The following TUSC3 variants were observed in gnomAD, a reference collection of about 807,000 sequenced individuals.
TUSC3 encodes tumor suppressor candidate 3.
Under a neutral mutation model 44.8 loss-of-function variants are expected in TUSC3, and 45 were observed. The observed-to-expected ratio is 1.00, with a 90% CI of 0.79 to 1.29. TUSC3 has a LOEUF of 1.29. Among genes scored for constraint, TUSC3 ranks in the 50% most tolerant of loss-of-function variants. The pLI, the probability that TUSC3 is intolerant of heterozygous loss-of-function variation, is 0.00. For missense variants in TUSC3, 519 were observed against 437.9 expected (o/e 1.19, Z -1.65); for synonymous variants, 212 against 152.9 (o/e 1.39, Z -2.85).
chr8:15,780,723 A>C, the TUSC3 span, among the ~76,000 whole-genome samples: 1 of 152,014 alleles, frequency 6.6e-6, no homozygotes, highest in African/African-American at 2.4e-5. Context: ...CTTCAGGTCT[A>C]CTGTTTCCTC....
chr8:15,634,415 T>G (rs1212282604), intron 2 of TUSC3, among the ~76,000 whole-genome samples: 1 of 152,182 alleles, frequency 6.6e-6, no homozygotes, highest in African/African-American at 2.4e-5. Context: ...CCATCCCTTG[T>G]TCTCTCCTAA....
intron 2 of TUSC3, among the ~76,000 whole-genome samples, chr8:15,505,138 C>T (rs1457639213): frequency 6.6e-6 from 1 of 152,166 alleles, no homozygotes; most frequent in Non-Finnish European, 1.5e-5. Flanking sequence ...AATAAATCAT[C>T]TGTCATCCAT....
chr8:15,677,616 C>T (rs540702548), intron 6 of TUSC3, among the ~76,000 whole-genome samples: 2 of 152,306 alleles, frequency 1.3e-5, no homozygotes, highest in African/African-American at 2.4e-5. Flanking sequence ...ATAATAAATA[C>T]AGGGCTGAGA....
intron 1 of TUSC3, among the ~76,000 whole-genome samples, chr8:15,418,779 G>T (rs1277359815): frequency 6.6e-6 from 1 of 152,192 alleles, no homozygotes; most frequent in East Asian, 1.9e-4. Context: ...GCCAAGGCAG[G>T]AGGATTGCTT....
the TUSC3 span, among the ~76,000 whole-genome samples, chr8:15,845,841 G>T: frequency 5.3e-5 from 8 of 152,100 alleles, no homozygotes; most frequent in Non-Finnish European, 7.4e-5. Context: ...TTACAAAACT[G>T]CTGTACTGGT....
intron 3 of TUSC3, among the ~76,000 whole-genome samples, chr8:15,655,966 C>T (rs1315872145): frequency 3.3e-5 from 5 of 152,034 alleles, no homozygotes; most frequent in African/African-American, 1.2e-4. Flanking sequence ...AAAAGATTAC[C>T]TAGGAATCCC....
At chr8:15,477,455 G>T (rs950766930) in intron 1 of TUSC3, among the ~76,000 whole-genome samples, 8 of 152,122 alleles carry the variant, frequency 5.3e-5, no homozygotes, top group Non-Finnish European at 8.8e-5. Context: ...ATTATAGTGT[G>T]CTCACGCCTG....
intron 1 of TUSC3, among the ~76,000 whole-genome samples, chr8:15,540,911 T>G (rs1801666341): frequency 6.6e-6 from 1 of 152,248 alleles, no homozygotes; most frequent in Non-Finnish European, 1.5e-5. Flanking sequence ...TTTGGAAGTA[T>G]TTATAAGCCT....
At chr8:15,753,066 C>T (rs987366819) in intron 9 of TUSC3, among the ~76,000 whole-genome samples, 2 of 151,954 alleles carry the variant, frequency 1.3e-5, no homozygotes, top group African/African-American at 4.8e-5. Context: ...TTATTCTTTA[C>T]TAATGAAAGC....
the TUSC3 span, among the ~76,000 whole-genome samples, chr8:15,799,626 TA>T: frequency 6.6e-6 from 1 of 152,224 alleles, no homozygotes; most frequent in East Asian, 1.9e-4. Flanking sequence ...TTGGTCAACA[TA>T]TTTACTACCT....
chr8:15,770,216 G>A (rs532780158), downstream of TUSC3, among the ~76,000 whole-genome samples: 1 of 152,280 alleles, frequency 6.6e-6, no homozygotes, highest in East Asian at 1.9e-4. Flanking sequence ...ATGCACCATG[G>A]AATGCTATCC....
intron 8 of TUSC3, among the ~76,000 whole-genome samples, chr8:15,744,070 C>T (rs1185019368): frequency 6.6e-6 from 1 of 152,202 alleles, no homozygotes; most frequent in Non-Finnish European, 1.5e-5. Flanking sequence ...TATTACCTTT[C>T]TATTCGTTCC....
chr8:15,590,341 A>G (rs762279375), intron 1 of TUSC3, among the ~76,000 whole-genome samples: 5 of 152,130 alleles, frequency 3.3e-5, no homozygotes, highest in African/African-American at 4.8e-5. Context: ...GGCAAAGTCA[A>G]ACCCAGGCTT....
the TUSC3 span, among the ~76,000 whole-genome samples, chr8:15,839,867 C>T: frequency 6.6e-6 from 1 of 152,146 alleles, no homozygotes; most frequent in Non-Finnish European, 1.5e-5. Flanking sequence ...CCCAGCCATC[C>T]CATTACTGGG....
chr8:15,496,970 G>T (rs920736537), intron 2 of TUSC3, among the ~76,000 whole-genome samples: 43 of 152,010 alleles, frequency 2.8e-4, no homozygotes, highest in African/African-American at 1.0e-3. Flanking sequence ...TTAGATATTA[G>T]GAATACATCA....
intron 9 of TUSC3, among the ~76,000 whole-genome samples, chr8:15,752,523 G>T (rs1811751436): frequency 6.6e-6 from 1 of 152,112 alleles, no homozygotes; most frequent in Admixed American, 6.5e-5. Context: ...TATTTTTCCA[G>T]ATGAGTTTTT....
At chr8:15,828,005 T>TTA in the TUSC3 span, among the ~76,000 whole-genome samples, 2 of 151,422 alleles carry the variant, frequency 1.3e-5, no homozygotes, top group Admixed American at 6.6e-5. Context: ...TTTTTTTTTT[T>TTA]TTTTTTGACA....
intron 1 of TUSC3, among the ~76,000 whole-genome samples, chr8:15,590,865 A>C (rs1399363663): frequency 6.6e-6 from 1 of 151,408 alleles, no homozygotes; most frequent in African/African-American, 2.4e-5. Flanking sequence ...GAGGAGACGG[A>C]GTTTTGCTAT....
chr8:15,446,555 G>A (rs1041320519), intron 1 of TUSC3, among the ~76,000 whole-genome samples: 4 of 151,898 alleles, frequency 2.6e-5, no homozygotes, highest in East Asian at 1.9e-4. Flanking sequence ...GCGAAACCCC[G>A]TCTCCACCAA....
Sources: gnomAD v4.1 joint callset for allele counts (sites outside exome capture counted in the v4.1 genomes callset) on GRCh38, gnomAD v4.1.1 for gene constraint, MANE v1.5 for transcripts, NCBI Gene and HGNC (gene_info 2026-07-23, HGNC 2026-07-21) for gene names.